The following ME3 variants were observed in gnomAD, a reference collection of about 807,000 sequenced individuals.
ME3 encodes the protein malic enzyme 3, also known as NADP-dependent malic enzyme, mitochondrial.
ME3 carries 48 observed loss-of-function variants against 68.9 expected under a neutral mutation model. The observed-to-expected ratio is 0.70, with a 90% CI of 0.55 to 0.89. The LOEUF is 0.89. ME3 is among the 40% of genes least tolerant of loss of function. The pLI is 0.00. For missense variants in ME3, 675 were observed against 797.4 expected (o/e 0.85, Z 1.85); for synonymous variants, 320 against 318.8 (o/e 1.00, Z -0.04).
chr11:86,612,418 G>T (rs532495979), intron 2 of ME3, among the ~76,000 whole-genome samples: 1 of 152,212 alleles, frequency 6.6e-6, no homozygotes, highest in East Asian at 1.9e-4. Flanking sequence ...ATTCCTTTGG[G>T]TATATATCCA....
At chr11:86,473,989 G>C (rs766664489) in intron 7 of ME3, among the ~76,000 whole-genome samples, 10 of 152,242 alleles carry the variant, frequency 6.6e-5, no homozygotes, top group Non-Finnish European at 1.2e-4. Context: ...ATATAAGGCA[G>C]AGATTTCAAA....
In ME3 at chr11:86,531,702, A is replaced by T. The variant is rs190890350; in HGVS notation, c.468-22835T>A. Among the ~76,000 whole-genome samples the T allele has an allele frequency of 5.2e-3, 797 of 152,206 alleles. 5 individuals are homozygous for T. Among genetic ancestry groups the T allele is most frequent in the African/African-American group, 0.018 (765 of 41,514 alleles). Reference sequence around the variant, plus strand: ...TGATGAGTTCATGTCCTTTGTAGGGACATGGATGAAGCTGGAAACCATCAT... The same window carrying T: ...TGATGAGTTCATGTCCTTTGTAGGGTCATGGATGAAGCTGGAAACCATCAT... On this transcript the variant is annotated intron_variant, in intron 4 of 14. Transcript: ENST00000543262.
chr11:86,512,279 G>T (rs1953586915), intron 4 of ME3, among the ~76,000 whole-genome samples: 1 of 152,146 alleles, frequency 6.6e-6, no homozygotes, highest in African/African-American at 2.4e-5. Flanking sequence ...CAAAGTAGAG[G>T]CTCTCTCCTG....
downstream of ME3, chr11:86,437,186 T>A (rs951708389): frequency 2.0e-5 from 3 of 152,212 alleles, no homozygotes; most frequent in African/African-American, 7.2e-5. Context: ...TTCTGAATTA[T>A]TTCACTTAAG....
chr11:86,567,682 A>T (rs1358765755), intron 2 of ME3, among the ~76,000 whole-genome samples: 1 of 152,212 alleles, frequency 6.6e-6, no homozygotes, highest in Non-Finnish European at 1.5e-5. Flanking sequence ...AGCAGCTGGT[A>T]ATTTCAGGGA....
chr11:86,605,784 G>C (rs78331151), intron 2 of ME3, among the ~76,000 whole-genome samples: 7,146 of 79,336 alleles, frequency 0.09, 196 homozygotes, highest in Middle Eastern at 0.17. Flanking sequence ...ACTTCCCTGA[G>C]TCATACAGTC....
At chr11:86,651,902 A>T (rs1945462101) in intron 2 of ME3, among the ~76,000 whole-genome samples, 3 of 152,136 alleles carry the variant, frequency 2.0e-5, no homozygotes, top group Admixed American at 2.0e-4. Flanking sequence ...TCCTTAAAGG[A>T]CCTCATGGAG....
intron 2 of ME3, among the ~76,000 whole-genome samples, chr11:86,635,722 G>T (rs1031717448): frequency 6.6e-6 from 1 of 152,210 alleles, no homozygotes; most frequent in Non-Finnish European, 1.5e-5. Flanking sequence ...CAGCTCCAGA[G>T]CTGTGAGGAA....
At chr11:86,442,442 C>A (rs545798541) in intron 14 of ME3, among the ~76,000 whole-genome samples, 1 of 152,276 alleles carries the variant, frequency 6.6e-6, no homozygotes, top group East Asian at 1.9e-4. Flanking sequence ...AATATTATAC[C>A]ATTGCTGATT....
At position 86,659,908 on chromosome 11, in the gene ME3, AT is replaced by A. The variant is rs545825082; in HGVS notation, c.183+11853del. Among the ~76,000 whole-genome samples the A allele has an allele frequency of 9.2e-3, 1,372 of 149,842 alleles. 25 individuals are homozygous for A. The highest frequency in any genetic ancestry group is 0.031 in the African/African-American group (1,257 of 40,916). On this transcript the variant is annotated intron_variant, in intron 2 of 14. Transcript: ENST00000543262. ...GATAGATCCAAATTTGGCTGGATCT[AT>A]TTTTTTTTTAAGTTAGTTTTTAAAC...
intron 2 of ME3, among the ~76,000 whole-genome samples, chr11:86,649,855 A>C (rs1945282740): frequency 6.6e-6 from 1 of 152,248 alleles, no homozygotes; most frequent in Non-Finnish European, 1.5e-5. Context: ...GGACAGGAAC[A>C]ATCAATATTG....
intron 2 of ME3, among the ~76,000 whole-genome samples, chr11:86,641,501 A>G (rs539155541): frequency 1.3e-4 from 20 of 152,336 alleles, no homozygotes; most frequent in African/African-American, 4.8e-4. Context: ...TTGAAGCTAC[A>G]ATATTATGAA....
intron 2 of ME3, among the ~76,000 whole-genome samples, chr11:86,637,228 G>A (rs1944387588): frequency 1.3e-5 from 2 of 151,908 alleles, no homozygotes; most frequent in East Asian, 3.9e-4. Context: ...CATCTGCCAT[G>A]TGTGTGAAGC....
intron 2 of ME3, among the ~76,000 whole-genome samples, chr11:86,592,131 C>T (rs1959098014): frequency 6.6e-6 from 1 of 152,204 alleles, no homozygotes; most frequent in Non-Finnish European, 1.5e-5. Context: ...ATTGTTCCAG[C>T]TAGTCCAGCT....
intron 7 of ME3, among the ~76,000 whole-genome samples, chr11:86,474,749 A>C (rs1467986232): frequency 6.6e-6 from 1 of 152,222 alleles, no homozygotes; most frequent in African/African-American, 2.4e-5. Context: ...TTAAAGTCCA[A>C]GTAAATGTCC....
At chr11:86,561,525 G>A (rs1957233227) in intron 2 of ME3, among the ~76,000 whole-genome samples, 2 of 152,118 alleles carry the variant, frequency 1.3e-5, no homozygotes, top group Non-Finnish European at 2.9e-5. Context: ...CTGAACATAA[G>A]TTCATACTAA....
At chr11:86,669,296 T>C (rs756045579) in intron 2 of ME3, among the ~76,000 whole-genome samples, 1 of 152,234 alleles carries the variant, frequency 6.6e-6, no homozygotes, top group African/African-American at 2.4e-5. Flanking sequence ...TTCAGGAATA[T>C]ATAAAAGATG....
At chr11:86,470,663 A>G (rs1287441786) in intron 7 of ME3, among the ~76,000 whole-genome samples, 2 of 152,126 alleles carry the variant, frequency 1.3e-5, no homozygotes, top group African/African-American at 4.8e-5. Flanking sequence ...CATCCTCACC[A>G]CCTATGGTGG....
intron 4 of ME3, among the ~76,000 whole-genome samples, chr11:86,525,526 A>C (rs1954665498): frequency 6.6e-6 from 1 of 151,338 alleles, no homozygotes; most frequent in African/African-American, 2.4e-5. Context: ...AAAAAAAAAA[A>C]GACCCACTAT....
Sources: gnomAD v4.1 joint callset for allele counts (sites outside exome capture counted in the v4.1 genomes callset) on GRCh38, gnomAD v4.1.1 for gene constraint, MANE v1.5 for transcripts, NCBI Gene and HGNC (gene_info 2026-07-23, HGNC 2026-07-21) for gene names.